The following KCTD8 variants were observed in gnomAD, a reference collection of about 807,000 sequenced individuals.
KCTD8 encodes the protein BTB/POZ domain-containing protein KCTD8.
In KCTD8, 27 loss-of-function variants were observed where a neutral mutation model predicts 31.5. The observed-to-expected ratio is 0.86, with a 90% CI of 0.63 to 1.18. The LOEUF is 1.18. Among genes scored for constraint, KCTD8 ranks in the 50% most tolerant of loss-of-function variants. KCTD8 has a pLI of 0.00. For synonymous variants in KCTD8, 290 were observed against 280.0 expected, an observed-to-expected ratio of 1.04 and a Z score of -0.36; for missense variants, 658 against 647.7, an observed-to-expected ratio of 1.02 and a Z score of -0.17.
intron 1 of KCTD8, among the ~76,000 whole-genome samples, chr4:44,356,300 T>TGTGG (rs1349089436): frequency 6.6e-6 from 1 of 152,222 alleles, no homozygotes; most frequent in Non-Finnish European, 1.5e-5. Context: ...GAATGACTGA[T>TGTGG]GTGGTCTCTC....
chr4:44,300,786 T>C (rs1007004841), intron 1 of KCTD8, among the ~76,000 whole-genome samples: 6 of 152,174 alleles, frequency 3.9e-5, no homozygotes, highest in Admixed American at 2.6e-4. Context: ...TACATATGTA[T>C]ATATGTGCCA....
Position 44,447,872 on chromosome 4 carries a change from T to C in KCTD8, c.652A>G (p.Thr218Ala), listed in dbSNP as rs1203509392. The C allele has an allele frequency of 6.4e-7, 1 of 1,560,128 alleles. No homozygotes were observed. The highest frequency in any genetic ancestry group is 8.7e-7 in the Non-Finnish European group (1 of 1,150,896). ...FLTLGYRGSY[T>A]TVRDNQADAK... is the part of the protein sequence containing the mutation. ...TCGGCCTGGTTGTCGCGCACGGTGGTGTAGGAGCCCCGGTAGCCCAGCGTG... is the reference window on the plus strand; with the variant it reads ...TCGGCCTGGTTGTCGCGCACGGTGGCGTAGGAGCCCCGGTAGCCCAGCGTG... The change falls in exon 1 of 2, where the codon ACC (threonine) becomes GCC (alanine). Residue 218 changes from threonine (T) to alanine (A), a missense_variant. Transcript: ENST00000360029.
intron 1 of KCTD8, among the ~76,000 whole-genome samples, chr4:44,260,309 A>C (rs190912326): frequency 6.6e-6 from 1 of 151,948 alleles, no homozygotes; most frequent in Admixed American, 6.6e-5. Flanking sequence ...ACATATGTGA[A>C]CTGATCACCT....
chr4:44,353,156 T>C (rs1188774875), intron 1 of KCTD8, among the ~76,000 whole-genome samples: 1 of 152,108 alleles, frequency 6.6e-6, no homozygotes, highest in Non-Finnish European at 1.5e-5. Context: ...ACCACTAACC[T>C]GCTAGAACTA....
intron 1 of KCTD8, among the ~76,000 whole-genome samples, chr4:44,191,339 GA>G (rs1051055871): frequency 1.3e-5 from 2 of 152,074 alleles, no homozygotes; most frequent in African/African-American, 4.8e-5. Flanking sequence ...ATGTGTGTTT[GA>G]ACAATATGAA....
chr4:44,258,387 C>T (rs1716060070), intron 1 of KCTD8, among the ~76,000 whole-genome samples: 1 of 151,920 alleles, frequency 6.6e-6, no homozygotes, highest in Non-Finnish European at 1.5e-5. Flanking sequence ...ATGAAAATTA[C>T]ATCTCAATAA....
chr4:44,273,130 C>T (rs1716659354), intron 1 of KCTD8, among the ~76,000 whole-genome samples: 1 of 151,812 alleles, frequency 6.6e-6, no homozygotes, highest in Admixed American at 6.6e-5. Flanking sequence ...TTTTTAGCAG[C>T]TTATTCCACA....
At chr4:44,245,558 GA>G (rs142621990) in intron 1 of KCTD8, among the ~76,000 whole-genome samples, 8,072 of 151,756 alleles carry the variant, frequency 0.053, 725 homozygotes, top group African/African-American at 0.19. Context: ...TATTTGCAGG[GA>G]AAAAATTTAA....
At chr4:44,272,659 T>C (rs1032594828) in intron 1 of KCTD8, among the ~76,000 whole-genome samples, 5 of 152,120 alleles carry the variant, frequency 3.3e-5, no homozygotes, top group Non-Finnish European at 7.4e-5. Flanking sequence ...ACAGAGGTTA[T>C]TGAATTGTGC....
chr4:44,346,406 T>C (rs1719037942), intron 1 of KCTD8, among the ~76,000 whole-genome samples: 1 of 152,142 alleles, frequency 6.6e-6, no homozygotes, highest in Admixed American at 6.6e-5. Flanking sequence ...AACTCCCATG[T>C]AAAATTGTGG....
chr4:44,321,210 T>G (rs977447833), intron 1 of KCTD8, among the ~76,000 whole-genome samples: 1 of 152,214 alleles, frequency 6.6e-6, no homozygotes, highest in Admixed American at 6.5e-5. Flanking sequence ...TAAACCCTAT[T>G]TTAACTATAT....
chr4:44,372,387 T>C (rs1478911009), intron 1 of KCTD8, among the ~76,000 whole-genome samples: 2 of 152,128 alleles, frequency 1.3e-5, no homozygotes, highest in Non-Finnish European at 2.9e-5. Flanking sequence ...GCACTGGTAA[T>C]GCTAAAGCTA....
At chr4:44,418,584 T>A (rs1403855658) in intron 1 of KCTD8, among the ~76,000 whole-genome samples, 2 of 152,110 alleles carry the variant, frequency 1.3e-5, no homozygotes, top group Non-Finnish European at 2.9e-5. Context: ...AAGCAGTGGA[T>A]ACGAAAATAG....
chr4:44,315,741 G>T (rs1718089832), intron 1 of KCTD8, among the ~76,000 whole-genome samples: 1 of 151,992 alleles, frequency 6.6e-6, no homozygotes, highest in South Asian at 2.1e-4. Context: ...AGAACTCTAG[G>T]TTTAAAACAT....
intron 1 of KCTD8, among the ~76,000 whole-genome samples, chr4:44,342,059 T>C (rs1718915780): frequency 6.6e-6 from 1 of 152,086 alleles, no homozygotes; most frequent in South Asian, 2.1e-4. Context: ...CAAGTGCATT[T>C]TCAGTAAGCA....
chr4:44,384,580 C>T (rs1183971273), intron 1 of KCTD8, among the ~76,000 whole-genome samples: 1 of 151,714 alleles, frequency 6.6e-6, no homozygotes, highest in Admixed American at 6.6e-5. Context: ...AAAAAGATTG[C>T]TCTCATATAA....
At chr4:44,371,989 A>G (rs1013721093) in intron 1 of KCTD8, among the ~76,000 whole-genome samples, 2 of 152,236 alleles carry the variant, frequency 1.3e-5, no homozygotes, top group African/African-American at 4.8e-5. Context: ...TCTACTGGAA[A>G]ACAATATTGT....
intron 1 of KCTD8, among the ~76,000 whole-genome samples, chr4:44,318,476 G>A (rs1182693225): frequency 6.6e-6 from 1 of 152,130 alleles, no homozygotes; most frequent in Non-Finnish European, 1.5e-5. Flanking sequence ...ATGTCATCTG[G>A]AACGTGAAAC....
intron 1 of KCTD8, among the ~76,000 whole-genome samples, chr4:44,377,339 A>ATATCTTAG (rs1220265021): frequency 1.3e-5 from 2 of 152,170 alleles, no homozygotes; most frequent in Non-Finnish European, 2.9e-5. Context: ...TTTCCTGAGA[A>ATATCTTAG]GCGCCCTTTC....
Sources: gnomAD v4.1 joint callset for allele counts (sites outside exome capture counted in the v4.1 genomes callset) on GRCh38, gnomAD v4.1.1 for gene constraint, MANE v1.5 for transcripts, NCBI Gene and HGNC (gene_info 2026-07-23, HGNC 2026-07-21) for gene names.